The following ZBTB20 variants were observed in gnomAD, a reference collection of about 807,000 sequenced individuals.
ZBTB20 encodes the protein zinc finger and BTB domain-containing protein 20.
A neutral mutation model predicts 56.9 loss-of-function variants in ZBTB20; 9 were observed. The ratio of observed to expected loss-of-function variants is 0.16; its 90% confidence interval spans 0.10 to 0.28. The LOEUF is 0.28. Among genes scored for constraint, ZBTB20 ranks in the 10% least tolerant of loss-of-function variants. The pLI is 1.00. For missense variants in ZBTB20, 655 were observed against 1,003.0 expected (o/e 0.65, Z 4.69); for synonymous variants, 417 against 420.7 (o/e 0.99, Z 0.11).
chr3:114,962,702 AC>A (rs1691748562), intron 3 of ZBTB20, among the ~76,000 whole-genome samples: 1 of 152,160 alleles, frequency 6.6e-6, no homozygotes, highest in African/African-American at 2.4e-5. Flanking sequence ...TTTTGACTGA[AC>A]AAAAAACAGC....
At chr3:114,522,952 A>G (rs2046803804) in intron 6 of ZBTB20, among the ~76,000 whole-genome samples, 1 of 152,190 alleles carries the variant, frequency 6.6e-6, no homozygotes, top group Non-Finnish European at 1.5e-5. Context: ...GGCCTGGACT[A>G]GAGATACAAG....
chr3:114,319,933 T>C lies in ZBTB20; in HGVS notation c.*19072A>G, dbSNP rs919744483. ...GGGAGCTCAAGCATAAGTTAAAAGG[T>C]GATGTGGAAATCCAGTGGTATGAGG... On this transcript the variant is annotated 3_prime_UTR_variant, in exon 12 of 12. Transcript: ENST00000675478. 1 of 152,066 alleles carries C rather than the reference T, an allele frequency of 6.6e-6. No homozygotes were observed. The highest frequency in any genetic ancestry group is 2.4e-5 in the African/African-American group (1 of 41,378). 9.4% of individuals were successfully genotyped at this position (152,066 alleles called of 1,614,324 possible).
In ZBTB20 at chr3:114,317,869, G is replaced by A. The variant is rs1317685027; in HGVS notation, c.*21136C>T. The A allele has an allele frequency of 6.6e-6, 1 of 152,186 alleles. No individual in the cohort carries two copies. The highest frequency in any genetic ancestry group is 1.5e-5 in the Non-Finnish European group (1 of 68,028). The allele number at this position is 152,186 out of a possible 1,614,324, so 9.4% of individuals were successfully genotyped here. The stretch of plus-strand genomic sequence containing the variant: ...CCATTGGGGCAGTAGTCCAAGGGAA[G>A]CTGGAAAAGGGGAACAAGAGAGAGT... On this transcript the variant is annotated 3_prime_UTR_variant, in exon 12 of 12. Coordinates refer to ENST00000675478, the MANE Select transcript of ZBTB20 (RefSeq NM_001348800.3).
rs567866518 is a variant in ZBTB20, at chr3:114,706,658, C to T, written c.-342-13083G>A. Among the ~76,000 whole-genome samples the T allele has an allele frequency of 4.6e-5, 7 of 152,134 alleles. No individual in the cohort carries two copies. In the South Asian group the frequency reaches 1.4e-3, roughly 32 times the overall value. On this transcript the variant is annotated intron_variant, in intron 5 of 11. Transcript: ENST00000675478. Reference sequence around the variant, plus strand: ...AAAGTCTGTTTTTAACATCTAAATCCCACAGTGTCCAGCTAAGGAATAACT... The same window carrying T: ...AAAGTCTGTTTTTAACATCTAAATCTCACAGTGTCCAGCTAAGGAATAACT...
chr3:114,937,029 A>G (rs2076558067), intron 3 of ZBTB20, among the ~76,000 whole-genome samples: 1 of 152,214 alleles, frequency 6.6e-6, no homozygotes, highest in Non-Finnish European at 1.5e-5. Context: ...AGTCTCAGCC[A>G]GGGTTGGTTC....
At chr3:114,769,345 TAAAG>T (rs2069009094) in intron 5 of ZBTB20, among the ~76,000 whole-genome samples, 2 of 151,644 alleles carry the variant, frequency 1.3e-5, no homozygotes, top group Admixed American at 6.6e-5. Flanking sequence ...AATGAGTGGA[TAAAG>T]AAACTGTGGT....
intron 7 of ZBTB20, among the ~76,000 whole-genome samples, chr3:114,391,393 T>C (rs1243333479): frequency 1.3e-5 from 2 of 152,224 alleles, no homozygotes; most frequent in African/African-American, 4.8e-5. Flanking sequence ...ATGTTCATGG[T>C]ATTTCTTCCT....
intron 7 of ZBTB20, among the ~76,000 whole-genome samples, chr3:114,391,386 T>A (rs1034548211): frequency 5.9e-5 from 9 of 152,214 alleles, no homozygotes; most frequent in Non-Finnish European, 8.8e-5. Flanking sequence ...TCCTACCATG[T>A]TCATGGTATT....
At chr3:114,507,971 C>T (rs2109767836) in intron 6 of ZBTB20, among the ~76,000 whole-genome samples, 1 of 152,206 alleles carries the variant, frequency 6.6e-6, no homozygotes, top group East Asian at 1.9e-4. Flanking sequence ...TCTACTAAGG[C>T]TTTAACATAG....
At chr3:114,633,147 T>C (rs1159854125) in intron 6 of ZBTB20, among the ~76,000 whole-genome samples, 1 of 152,200 alleles carries the variant, frequency 6.6e-6, no homozygotes, top group Non-Finnish European at 1.5e-5. Flanking sequence ...AAAAGCAGGA[T>C]AGGAAAATTC....
At chr3:114,856,648 G>A (rs548444277) in intron 4 of ZBTB20, among the ~76,000 whole-genome samples, 72 of 151,966 alleles carry the variant, frequency 4.7e-4, no homozygotes, top group African/African-American at 1.5e-3. Flanking sequence ...TATTATACTC[G>A]GCTTATGTTT....
chr3:114,969,958 C>A (rs1350933915), intron 3 of ZBTB20, among the ~76,000 whole-genome samples: 1 of 152,116 alleles, frequency 6.6e-6, no homozygotes, highest in Non-Finnish European at 1.5e-5. Context: ...ATGTAAATCA[C>A]AATATGATAA....
intron 1 of ZBTB20, among the ~76,000 whole-genome samples, chr3:115,078,046 C>T (rs924069133): frequency 1.3e-5 from 2 of 152,156 alleles, no homozygotes; most frequent in African/African-American, 4.8e-5. Flanking sequence ...GGCTAAATAA[C>T]TTGCCTGAAG....
intron 5 of ZBTB20, among the ~76,000 whole-genome samples, chr3:114,776,996 C>T (rs1053017301): frequency 1.3e-5 from 2 of 152,068 alleles, no homozygotes; most frequent in Non-Finnish European, 2.9e-5. Flanking sequence ...TAATGTATTA[C>T]CAGCCATTTT....
chr3:114,983,073 C>T (rs1349280755), intron 2 of ZBTB20, among the ~76,000 whole-genome samples: 1 of 151,878 alleles, frequency 6.6e-6, no homozygotes, highest in East Asian at 1.9e-4. Flanking sequence ...TTTTCAAATT[C>T]CTCCATAATC....
At chr3:115,037,566 T>C (rs1293680758) in intron 2 of ZBTB20, among the ~76,000 whole-genome samples, 2 of 152,180 alleles carry the variant, frequency 1.3e-5, no homozygotes, top group Non-Finnish European at 2.9e-5. Flanking sequence ...ATTACAGGCG[T>C]GGCCACCATG....
intron 1 of ZBTB20, among the ~76,000 whole-genome samples, chr3:115,080,782 C>G (rs892022224): frequency 7.9e-5 from 12 of 151,962 alleles, no homozygotes; most frequent in Admixed American, 2.6e-4. Flanking sequence ...TTTCTTTTTC[C>G]TCAAGATCTG....
At chr3:114,516,630 T>C (rs1268622444) in intron 6 of ZBTB20, among the ~76,000 whole-genome samples, 1 of 152,186 alleles carries the variant, frequency 6.6e-6, no homozygotes, top group East Asian at 1.9e-4. Context: ...TCATTGAAGA[T>C]GTGATTAAGA....
At chr3:114,993,977 G>A (rs2078924422) in intron 2 of ZBTB20, among the ~76,000 whole-genome samples, 1 of 151,756 alleles carries the variant, frequency 6.6e-6, no homozygotes, top group South Asian at 2.1e-4. Context: ...TCTTTAAGAA[G>A]AGGTGTAATA....
Sources: allele counts gnomAD v4.1 joint callset (sites outside exome capture counted in the v4.1 genomes callset), GRCh38; gene constraint gnomAD v4.1.1; transcripts MANE v1.5; gene names NCBI Gene and HGNC (gene_info 2026-07-23, HGNC 2026-07-21).